The following PAPPA2 variants were observed in gnomAD, a reference collection of about 807,000 sequenced individuals.
PAPPA2 encodes the protein pappalysin 2.
Under a neutral mutation model 176.4 loss-of-function variants are expected in PAPPA2, and 86 were observed. The observed-to-expected ratio is 0.49, with a 90% CI of 0.41 to 0.58. PAPPA2 has a LOEUF of 0.58. PAPPA2 is among the 20% of genes least tolerant of loss of function. The pLI is 0.00. For missense variants in PAPPA2, 2,073 were observed against 2,256.9 expected, an observed-to-expected ratio of 0.92 and a Z score of 1.65; for synonymous variants, 809 against 852.2, an observed-to-expected ratio of 0.95 and a Z score of 0.88.
At chr1:176,655,963 G>T (rs1658008935) in intron 3 of PAPPA2, among the ~76,000 whole-genome samples, 1 of 151,636 alleles carries the variant, frequency 6.6e-6, no homozygotes, top group Non-Finnish European at 1.5e-5. Context: ...TTCCATCACT[G>T]TCCCGTGATA....
rs569382394 is a variant in PAPPA2, at chr1:176,809,006, T to C, written c.5202+8874T>C. Among the ~76,000 whole-genome samples, 9 of 152,266 alleles carry C rather than the reference T, an allele frequency of 5.9e-5. No individual in the cohort carries two copies. In the South Asian group the frequency reaches 1.9e-3, roughly 32 times the overall value. Reference sequence around the variant, plus strand: ...TATTTAAAGTAAATCTATGTGAGAATATCCTAAAAGTGTTAAACTTTATAC... The same window carrying C: ...TATTTAAAGTAAATCTATGTGAGAACATCCTAAAAGTGTTAAACTTTATAC... On this transcript the variant is annotated intron_variant, in intron 21 of 22. Coordinates refer to ENST00000367662, the MANE Select transcript of PAPPA2 (RefSeq NM_020318.3).
At chr1:176,835,632 GCCTCAGCCT>G (rs1471452304) in intron 21 of PAPPA2, among the ~76,000 whole-genome samples, 1 of 152,152 alleles carries the variant, frequency 6.6e-6, no homozygotes, top group Non-Finnish European at 1.5e-5. Flanking sequence ...CGATTCTCCT[GCCTCAGCCT>G]CCCAAGTAGC....
At position 176,677,993 on chromosome 1, in the gene PAPPA2, T is replaced by C. The variant is rs148184886; in HGVS notation, c.2137+6878T>C. ...GCAGTAACATGGAAAGGAAAGTGCC[T>C]AATTGTGCTGAAAGCATTAACGAAG... On this transcript the variant is annotated intron_variant, in intron 4 of 22. Coordinates refer to ENST00000367662, the MANE Select transcript of PAPPA2 (RefSeq NM_020318.3). Among the ~76,000 whole-genome samples, 83 of 152,288 alleles carry C rather than the reference T, an allele frequency of 5.5e-4. 1 individual carries two copies. Among genetic ancestry groups the C allele is most frequent in the African/African-American group, 1.9e-3 (80 of 41,576 alleles).
At chr1:176,681,843 A>T (rs921101705) in intron 4 of PAPPA2, among the ~76,000 whole-genome samples, 4 of 152,148 alleles carry the variant, frequency 2.6e-5, no homozygotes, top group African/African-American at 9.7e-5. Context: ...TAGAGAAGGA[A>T]AGGGTAAGCA....
At chr1:176,744,188 C>A (rs1366026944) in intron 14 of PAPPA2, among the ~76,000 whole-genome samples, 8 of 152,148 alleles carry the variant, frequency 5.3e-5, no homozygotes. Flanking sequence ...GATCATACAT[C>A]TTGCCAATCC....
At chr1:176,731,470 T>C (rs1035389019) in intron 12 of PAPPA2, among the ~76,000 whole-genome samples, 3 of 151,890 alleles carry the variant, frequency 2.0e-5, no homozygotes, top group Non-Finnish European at 4.4e-5. Context: ...CAGCTAATTT[T>C]TTTTCTTTTC....
Position 176,699,096 on chromosome 1 carries a change from C to G in PAPPA2, c.2747-4C>G, listed in dbSNP as rs750110379. Reference sequence around the variant, plus strand: ...GATGTATCTTTCTGCTAATCTCCCCCCAGGGCCTCCTGATGTGGATCAGCC... The same window carrying G: ...GATGTATCTTTCTGCTAATCTCCCCGCAGGGCCTCCTGATGTGGATCAGCC... On this transcript the variant is annotated splice_region_variant and splice_polypyrimidine_tract_variant and intron_variant, in intron 7 of 22. Coordinates refer to ENST00000367662, the MANE Select transcript of PAPPA2 (RefSeq NM_020318.3). The G allele has an allele frequency of 1.2e-5, 20 of 1,607,178 alleles. No homozygotes were observed. The South Asian group carries it at 1.4e-4, about 12-fold the overall frequency.
intron 3 of PAPPA2, among the ~76,000 whole-genome samples, chr1:176,605,635 A>G (rs1049919615): frequency 6.6e-6 from 1 of 152,162 alleles, no homozygotes; most frequent in African/African-American, 2.4e-5. Flanking sequence ...ACAGTTTCTC[A>G]TAGTACCTTG....
intron 1 of PAPPA2, chr1:176,553,760 T>C (rs767711105): frequency 6.6e-6 from 1 of 151,586 alleles, no homozygotes; most frequent in Non-Finnish European, 1.5e-5. Flanking sequence ...TTTCTGAGGG[T>C]TATGGGGTGG....
At chr1:176,468,001 G>A (rs1651706024) in intron 1 of PAPPA2, among the ~76,000 whole-genome samples, 1 of 152,174 alleles carries the variant, frequency 6.6e-6, no homozygotes, top group Non-Finnish European at 1.5e-5. Flanking sequence ...AGTAAAGGGT[G>A]TGAGATCAAG....
At chr1:176,701,093 A>C (rs1015322670) in intron 8 of PAPPA2, among the ~76,000 whole-genome samples, 8 of 151,668 alleles carry the variant, frequency 5.3e-5, no homozygotes, top group African/African-American at 1.7e-4. Context: ...TAAGGCCAAT[A>C]ATATCTCATT....
At chr1:176,532,923 C>T (rs1403611167) in intron 1 of PAPPA2, among the ~76,000 whole-genome samples, 2 of 152,192 alleles carry the variant, frequency 1.3e-5, no homozygotes, top group African/African-American at 2.4e-5. Flanking sequence ...GCTTCCAGCC[C>T]CCCTGCTCAC....
chr1:176,572,890 A>G (rs1047968600), intron 2 of PAPPA2, among the ~76,000 whole-genome samples: 37 of 152,328 alleles, frequency 2.4e-4, no homozygotes, highest in Non-Finnish European at 4.6e-4. Context: ...TATATTTAAC[A>G]CTATTTAAAT....
chr1:176,605,262 G>T (rs1319386927), intron 3 of PAPPA2, among the ~76,000 whole-genome samples: 2 of 152,312 alleles, frequency 1.3e-5, no homozygotes, highest in East Asian at 3.9e-4. Flanking sequence ...TCTTGGACAT[G>T]ATGTTACAGA....
intron 17 of PAPPA2, among the ~76,000 whole-genome samples, chr1:176,774,241 C>G (rs1664353107): frequency 6.6e-6 from 1 of 152,076 alleles, no homozygotes. Flanking sequence ...CTCATTCACC[C>G]TGTAGCCTCA....
intron 3 of PAPPA2, among the ~76,000 whole-genome samples, chr1:176,656,079 T>G (rs1658015451): frequency 6.6e-6 from 1 of 151,904 alleles, no homozygotes; most frequent in Non-Finnish European, 1.5e-5. Context: ...GAATATATTT[T>G]CAATATTGAA....
At chr1:176,759,423 G>T (rs552138887) in intron 14 of PAPPA2, among the ~76,000 whole-genome samples, 1 of 152,032 alleles carries the variant, frequency 6.6e-6, no homozygotes, top group South Asian at 2.1e-4. Context: ...AATGCCCACC[G>T]TTCCCCACCT....
At chr1:176,538,867 A>G (rs1650220877) in intron 1 of PAPPA2, among the ~76,000 whole-genome samples, 1 of 152,204 alleles carries the variant, frequency 6.6e-6, no homozygotes, top group Non-Finnish European at 1.5e-5. Flanking sequence ...ACAGTCTTAT[A>G]GCCTGTTTTT....
chr1:176,523,766 C>T (rs1389732700), intron 1 of PAPPA2, among the ~76,000 whole-genome samples: 1 of 152,034 alleles, frequency 6.6e-6, no homozygotes, highest in Non-Finnish European at 1.5e-5. Flanking sequence ...TTATACCTAC[C>T]CCATTTAGCA....
Sources: allele counts gnomAD v4.1 joint callset (sites outside exome capture counted in the v4.1 genomes callset), GRCh38; gene constraint gnomAD v4.1.1; transcripts MANE v1.5; gene names NCBI Gene and HGNC (gene_info 2026-07-23, HGNC 2026-07-21).